The following VTI1A variants were observed in gnomAD, a reference collection of about 807,000 sequenced individuals.
The protein encoded by VTI1A is vesicle transport through interaction with t-SNAREs 1A.
A neutral mutation model predicts 34.9 loss-of-function variants in VTI1A; 22 were observed. The ratio of observed to expected loss-of-function variants is 0.63; its 90% CI spans 0.45 to 0.90. The LOEUF is 0.90. Among genes scored for constraint, VTI1A ranks in the 40% least tolerant of loss-of-function variants. VTI1A has a pLI of 0.00. For missense variants in VTI1A, 268 were observed against 275.6 expected, an observed-to-expected ratio of 0.97 and a Z score of 0.20; for synonymous variants, 87 against 97.3, an observed-to-expected ratio of 0.89 and a Z score of 0.62.
At chr10:112,729,980 G>T (rs1243076418) in intron 7 of VTI1A, among the ~76,000 whole-genome samples, 1 of 152,252 alleles carries the variant, frequency 6.6e-6, no homozygotes, top group South Asian at 2.1e-4. Context: ...TCCAATCCAG[G>T]GGCCCCAACA....
chr10:112,630,958 C>A (rs1846107956), intron 5 of VTI1A, among the ~76,000 whole-genome samples: 1 of 152,054 alleles, frequency 6.6e-6, no homozygotes, highest in African/African-American at 2.4e-5. Context: ...CCCGTCTCTA[C>A]TAAAAATACA....
At chr10:112,827,904 T>C in the VTI1A span, among the ~76,000 whole-genome samples, 2 of 152,076 alleles carry the variant, frequency 1.3e-5, no homozygotes, top group East Asian at 3.9e-4. Flanking sequence ...AGGTTGTTTT[T>C]GAATGCAGGT....
intron 7 of VTI1A, among the ~76,000 whole-genome samples, chr10:112,756,917 G>A (rs1453257707): frequency 6.6e-6 from 1 of 151,974 alleles, no homozygotes; most frequent in Non-Finnish European, 1.5e-5. Context: ...GCATGGTGGT[G>A]TGCCTGTAGT....
At chr10:112,805,501 T>C (rs953642968) in intron 7 of VTI1A, among the ~76,000 whole-genome samples, 4 of 152,222 alleles carry the variant, frequency 2.6e-5, no homozygotes, top group Admixed American at 6.5e-5. Flanking sequence ...ATGGGTTAAA[T>C]TGCAGCCTCT....
In VTI1A at chr10:112,695,509, A is replaced by AT. The variant is rs577018430; in HGVS notation, c.560+26513dup. On this transcript the variant is annotated intron_variant, in intron 7 of 7. Coordinates refer to ENST00000393077, the MANE Select transcript of VTI1A (RefSeq NM_145206.4). ...GCAGTGCTAATAACTTCAGGAGGCAATTGCTCAGTGTCAGCCTGGGACATT... is the reference window on the plus strand; with the variant it reads ...GCAGTGCTAATAACTTCAGGAGGCAATTTGCTCAGTGTCAGCCTGGGACATT... Among the ~76,000 whole-genome samples the AT allele has an allele frequency of 1.3e-3, 198 of 152,304 alleles. 1 individual carries two copies. The highest frequency in any genetic ancestry group is 4.6e-3 in the African/African-American group (190 of 41,566).
At chr10:112,757,535 C>T (rs572175898) in intron 7 of VTI1A, among the ~76,000 whole-genome samples, 37 of 146,740 alleles carry the variant, frequency 2.5e-4, no homozygotes, top group Admixed American at 2.4e-3. Flanking sequence ...CAGGCACGGG[C>T]CACCACGCCA....
chr10:112,679,132 C>G (rs1406733157), intron 7 of VTI1A, among the ~76,000 whole-genome samples: 2 of 152,028 alleles, frequency 1.3e-5, no homozygotes, highest in Non-Finnish European at 2.9e-5. Context: ...TTTTATTTTT[C>G]AGCAGCATTT....
the VTI1A span, among the ~76,000 whole-genome samples, chr10:112,854,606 T>C: frequency 3.3e-5 from 5 of 152,156 alleles, no homozygotes; most frequent in Non-Finnish European, 7.4e-5. Flanking sequence ...TCCCCTCTGT[T>C]TCTCAGTTCC....
chr10:112,761,295 TA>T (rs1177597870), intron 7 of VTI1A, among the ~76,000 whole-genome samples: 1 of 152,214 alleles, frequency 6.6e-6, no homozygotes, highest in Non-Finnish European at 1.5e-5. Flanking sequence ...CCCTCTTAAA[TA>T]GAGCTGTCTT....
chr10:112,786,261 A>G (rs1852283916), intron 7 of VTI1A, among the ~76,000 whole-genome samples: 1 of 152,214 alleles, frequency 6.6e-6, no homozygotes, highest in African/African-American at 2.4e-5. Flanking sequence ...TTGTGGCTAT[A>G]GCAATACACT....
rs555648943 is a variant in VTI1A at position 112,576,988 on chromosome 10, T to A, written c.427+38658T>A. ...AGAAATGGCAGTCTTGATTTCTAAA[T>A]TGATTTTATAATCCGTCTATAAGGT... is the stretch of plus-strand genomic sequence containing the variant. On this transcript the variant is annotated intron_variant, in intron 5 of 7. Transcript: ENST00000393077. Among the ~76,000 whole-genome samples the A allele has an allele frequency of 1.8e-4, 28 of 152,354 alleles. No individual in the cohort carries two copies. In the South Asian group the frequency reaches 5.8e-3, roughly 32 times the overall value.
At position 112,811,710 on chromosome 10, in the gene VTI1A, A is replaced by AG. The variant is rs1299483126; in HGVS notation, c.561-3580_561-3579insG. On this transcript the variant is annotated intron_variant, in intron 7 of 7. Coordinates refer to ENST00000393077, the MANE Select transcript of VTI1A (RefSeq NM_145206.4). ...AAAAAAAAAAAAAAAAAAAAAAAAA[A>AG]AAGAGTGCAGTCCATGCCTGGAAGT... is the stretch of plus-strand genomic sequence containing the variant. Among the ~76,000 whole-genome samples, 111 of 15,276 alleles carry AG rather than the reference A, an allele frequency of 7.3e-3. 26 individuals carry two copies. The highest frequency in any genetic ancestry group is 0.026 in the South Asian group (9 of 344). 10.0% of individuals were successfully genotyped at this position (15,276 alleles called of 152,430 possible).
intron 7 of VTI1A, among the ~76,000 whole-genome samples, chr10:112,761,596 TAATGTC>T (rs1330055723): frequency 3.9e-5 from 6 of 152,210 alleles, no homozygotes; most frequent in Non-Finnish European, 4.4e-5. Context: ...ACGTTATTCT[TAATGTC>T]AATGCAATGT....
chr10:112,487,624 C>T (rs192561397), intron 3 of VTI1A, among the ~76,000 whole-genome samples: 9 of 152,260 alleles, frequency 5.9e-5, no homozygotes, highest in Admixed American at 5.9e-4. Flanking sequence ...CACTTACTCT[C>T]ACCTAGTTGT....
intron 5 of VTI1A, among the ~76,000 whole-genome samples, chr10:112,603,971 T>C (rs1034878274): frequency 6.6e-6 from 1 of 152,212 alleles, no homozygotes. Flanking sequence ...CTGAGCATTT[T>C]CCTGTGTCCA....
In VTI1A at chr10:112,817,044, C is replaced by G. The variant is rs1204429079; in HGVS notation, c.*1661C>G. ...CAGGAAGCTATGCTAATTTTCCTGT[C>G]AGCTTAAGGGATCCGTCTCAGCAAG... On this transcript the variant is annotated 3_prime_UTR_variant, in exon 8 of 8. Coordinates refer to ENST00000393077, the MANE Select transcript of VTI1A (RefSeq NM_145206.4). 1.3e-5 allele frequency: 3 copies of G among 232,370 alleles called. No individual in the cohort carries two copies. Among genetic ancestry groups the G allele is most frequent in the Non-Finnish European group, 2.6e-5 (3 of 117,572 alleles). The allele number at this position is 232,370 out of a possible 1,614,324, so 14.4% of individuals were successfully genotyped here. A position where few individuals can be genotyped will look rare whatever the true frequency, so the allele number is the denominator to read the frequency against.
intron 7 of VTI1A, among the ~76,000 whole-genome samples, chr10:112,726,369 ATTTCTTGAAGGGAGTCAACCTC>A (rs1850027968): frequency 2.0e-5 from 3 of 152,068 alleles, no homozygotes; most frequent in Admixed American, 1.3e-4. Flanking sequence ...TTATGTTTTT[ATTTCTTGAAGGGAGTCAACCTC>A]CTGTTGCTGT....
At chr10:112,474,593 C>G (rs1197356471) in intron 3 of VTI1A, among the ~76,000 whole-genome samples, 1 of 151,638 alleles carries the variant, frequency 6.6e-6, no homozygotes, top group Non-Finnish European at 1.5e-5. Context: ...GTAGGTGGGA[C>G]TATTGGTGCA....
chr10:112,668,119 C>T lies in VTI1A; in HGVS notation c.428-99C>T. On this transcript the variant is annotated intron_variant, in intron 5 of 7. Transcript: ENST00000393077. The stretch of plus-strand genomic sequence containing the variant: ...ATATGTGTCTGATGTATAATGCATG[C>T]ATGCAACTTTAACATTTTATGCCAT... 10 of 840,014 alleles carry T rather than the reference C, an allele frequency of 1.2e-5. No homozygotes were observed. The South Asian group carries it at 1.3e-4, about 11-fold the overall frequency. 52.0% of individuals were successfully genotyped at this position (840,014 alleles called of 1,614,324 possible).
Sources: gnomAD v4.1 joint callset for allele counts (sites outside exome capture counted in the v4.1 genomes callset) on GRCh38, gnomAD v4.1.1 for gene constraint, MANE v1.5 for transcripts, NCBI Gene and HGNC (gene_info 2026-07-23, HGNC 2026-07-21) for gene names.